Variants in NCOA7 observed in about 807,000 individuals in gnomAD.
NCOA7 encodes the protein 140 kDa estrogen receptor-associated protein.
A neutral mutation model predicts 104.3 loss-of-function variants in NCOA7; 45 were observed. The observed-to-expected ratio is 0.43, with a 90% CI of 0.34 to 0.55. NCOA7 has a LOEUF of 0.55. Among genes scored for constraint, NCOA7 ranks in the 20% least tolerant of loss-of-function variants. The pLI is 0.02. For synonymous variants in NCOA7, 398 were observed against 402.3 expected, an observed-to-expected ratio of 0.99 and a Z score of 0.13; for missense variants, 1,041 against 1,119.7, an observed-to-expected ratio of 0.93 and a Z score of 1.00.
chr6:125,822,857 C>A (rs1160528408), intron 2 of NCOA7, among the ~76,000 whole-genome samples: 1 of 151,634 alleles, frequency 6.6e-6, no homozygotes, highest in Non-Finnish European at 1.5e-5. Flanking sequence ...ATCACTTGAA[C>A]CCAGGAGGCA....
At chr6:125,867,746 C>T (rs972409648) in intron 3 of NCOA7, among the ~76,000 whole-genome samples, 2 of 152,278 alleles carry the variant, frequency 1.3e-5, no homozygotes, top group East Asian at 3.9e-4. Context: ...TGGTGGATAC[C>T]GTGCCCAGAA....
chr6:125,897,144 A>G (rs1785094507), intron 10 of NCOA7, among the ~76,000 whole-genome samples: 1 of 152,244 alleles, frequency 6.6e-6, no homozygotes, highest in African/African-American at 2.4e-5. Context: ...TTTAAAAGGT[A>G]TAATCTATGT....
chr6:125,788,405 G>A (rs1397780562), upstream of NCOA7, among the ~76,000 whole-genome samples: 1 of 152,154 alleles, frequency 6.6e-6, no homozygotes, highest in Non-Finnish European at 1.5e-5. Flanking sequence ...TCCCTTAGCT[G>A]GGGAGCAGAA....
chr6:125,853,310 T>A (rs1400668007), intron 2 of NCOA7, among the ~76,000 whole-genome samples: 1 of 152,118 alleles, frequency 6.6e-6, no homozygotes. Context: ...TATGAAGGAG[T>A]CTTCAGGGTT....
In NCOA7 at chr6:125,889,532, TGCCAGAAGTGGACAAGCAGTCTGGTTC is replaced by T. The variant is rs761034272; in HGVS notation, c.1486_1512del (p.Val496_Glu504del). ...GAAACCTGTGAGAAGCAAGATATAA[TGCCAGAAGTGGACAAGCAGTCTGGTTC>T]GCCAGAAAGCCGAGTAGAAAACACA... On this transcript the variant is annotated inframe_deletion, in exon 9 of 16. Coordinates refer to ENST00000392477, the MANE Select transcript of NCOA7 (RefSeq NM_181782.5). 1.3e-5 allele frequency: 21 copies of T among 1,614,062 alleles called. No individual in the cohort carries two copies. Among genetic ancestry groups the T allele is most frequent in the Non-Finnish European group, 1.8e-5 (21 of 1,179,996 alleles).
chr6:125,802,571 A>T (rs1405939989), intron 1 of NCOA7: 1 of 152,232 alleles, frequency 6.6e-6, no homozygotes, highest in African/African-American at 2.4e-5. Flanking sequence ...TGGTCAAAAC[A>T]AGTCACATGA....
At chr6:125,863,508 A>G (rs1172939751) in intron 3 of NCOA7, among the ~76,000 whole-genome samples, 1 of 138,036 alleles carries the variant, frequency 7.2e-6, no homozygotes, top group Non-Finnish European at 1.5e-5. Flanking sequence ...AAATGCCCAA[A>G]TGTGGTTTGG....
In NCOA7 at chr6:125,878,388, G is replaced by T. The variant is rs759517803; in HGVS notation, c.459+18G>T. ...CAGGCCAGGTAATTATACTCTTACT[G>T]GATATAACTCTAGAAATTCTGCATT... On this transcript the variant is annotated intron_variant, in intron 5 of 15. Transcript: ENST00000392477. 7.8e-6 allele frequency: 12 copies of T among 1,539,100 alleles called. No individual in the cohort carries two copies. Among genetic ancestry groups the T allele is most frequent in the Middle Eastern group, 1.7e-4 (1 of 5,870 alleles).
At chr6:125,870,267 A>T (rs1320451395) in intron 3 of NCOA7, among the ~76,000 whole-genome samples, 2 of 152,100 alleles carry the variant, frequency 1.3e-5, no homozygotes, top group Admixed American at 6.6e-5. Context: ...TTAGTAGATG[A>T]CCTTACCCCT....
chr6:125,857,722 G>A (rs548595745), intron 3 of NCOA7, among the ~76,000 whole-genome samples: 5 of 151,828 alleles, frequency 3.3e-5, no homozygotes, highest in East Asian at 3.9e-4. Flanking sequence ...CATCACGCCC[G>A]GCTAATTTTC....
intron 7 of NCOA7, among the ~76,000 whole-genome samples, chr6:125,883,178 C>G (rs928356230): frequency 6.6e-6 from 1 of 152,044 alleles, no homozygotes; most frequent in Admixed American, 6.6e-5. Flanking sequence ...AGAACAAATT[C>G]AGCTTTTACT....
chr6:125,908,089 C>G (rs1296191846), intron 10 of NCOA7, among the ~76,000 whole-genome samples: 3 of 152,168 alleles, frequency 2.0e-5, no homozygotes, highest in Non-Finnish European at 4.4e-5. Context: ...AACCCAGAGC[C>G]TAGATTTACT....
At chr6:125,815,446 A>G (rs1364527183) in intron 2 of NCOA7, 42 bp downstream of exon 2, 1 of 1,540,870 alleles carries the variant, frequency 6.5e-7, no homozygotes, top group African/African-American at 1.4e-5. Flanking sequence ...TACTTTAAAG[A>G]AATATTTGAG....
chr6:125,883,445 C>G (rs745476693), intron 7 of NCOA7, among the ~76,000 whole-genome samples: 1 of 152,064 alleles, frequency 6.6e-6, no homozygotes, highest in Non-Finnish European at 1.5e-5. Flanking sequence ...AGTTGTGCAA[C>G]CATCACCACA....
intron 3 of NCOA7, among the ~76,000 whole-genome samples, chr6:125,873,517 T>C (rs1375544860): frequency 4.6e-5 from 7 of 152,244 alleles, no homozygotes; most frequent in African/African-American, 1.7e-4. Flanking sequence ...TGCTGGAATC[T>C]AATTGCTCTG....
At position 125,928,886 on chromosome 6, in the gene NCOA7, C is replaced by CT; in HGVS notation, c.*118dup. 8.9e-7 allele frequency: 1 copy of CT among 1,124,560 alleles called. No homozygotes were observed. Among genetic ancestry groups the CT allele is most frequent in the Non-Finnish European group, 1.2e-6 (1 of 803,358 alleles). The allele number at this position is 1,124,560 out of a possible 1,614,324, so 69.7% of individuals were successfully genotyped here. A position where few individuals can be genotyped will look rare whatever the true frequency, so the allele number is the denominator to read the frequency against. ...CTGCCTCATCCCACCCCAATGCTTCCTTTCTGCCATCATCTCAGAGCATGA... is the reference window on the plus strand; with the variant it reads ...CTGCCTCATCCCACCCCAATGCTTCCTTTTCTGCCATCATCTCAGAGCATGA... On this transcript the variant is annotated 3_prime_UTR_variant, in exon 16 of 16. Coordinates refer to ENST00000392477, the MANE Select transcript of NCOA7 (RefSeq NM_181782.5).
At chr6:125,896,540 C>G (rs192254940) in intron 10 of NCOA7, among the ~76,000 whole-genome samples, 151 of 152,206 alleles carry the variant, frequency 9.9e-4, no homozygotes, top group Admixed American at 3.3e-3. Flanking sequence ...CCTGTAATCC[C>G]AGCACTTTTG....
chr6:125,790,588 A>G (rs1248696249), upstream of NCOA7, among the ~76,000 whole-genome samples: 1 of 151,142 alleles, frequency 6.6e-6, no homozygotes, highest in African/African-American at 2.4e-5. Flanking sequence ...GGCGGGGAGG[A>G]TGCCGCAACT....
intron 1 of NCOA7, among the ~76,000 whole-genome samples, chr6:125,793,021 A>C (rs990244412): frequency 6.6e-6 from 1 of 152,172 alleles, no homozygotes; most frequent in Admixed American, 6.5e-5. Flanking sequence ...TTTTTACACA[A>C]TATGGTAGGC....
Sources: allele counts gnomAD v4.1 joint callset (sites outside exome capture counted in the v4.1 genomes callset), GRCh38; gene constraint gnomAD v4.1.1; transcripts MANE v1.5; gene names NCBI Gene and HGNC (gene_info 2026-07-23, HGNC 2026-07-21).